Variants in ALG1 observed in about 807,000 individuals in gnomAD.
ALG1 encodes chitobiosyldiphosphodolichol beta-mannosyltransferase.
Under a neutral mutation model 55.1 loss-of-function variants are expected in ALG1, and 58 were observed. The observed-to-expected ratio is 1.05, with a 90% CI of 0.85 to 1.31. The LOEUF (loss-of-function observed/expected upper bound fraction) is 1.31, where lower values mean the gene tolerates loss of function less well. Ranked by LOEUF, ALG1 falls within the 50% of genes most tolerant of loss-of-function variation. The pLI, the probability that ALG1 is intolerant of heterozygous loss-of-function variation, is 0.00. For synonymous variants in ALG1, 309 were observed against 247.0 expected, an observed-to-expected ratio of 1.25 and a Z score of -2.35; for missense variants, 761 against 598.6, an observed-to-expected ratio of 1.27 and a Z score of -2.83.
Position 5,071,872 on chromosome 16 carries a change from T to A in ALG1, c.23T>A (p.Leu8Gln), listed in dbSNP as rs1956821445. 1.2e-6 allele frequency: 2 copies of A among 1,604,704 alleles called. No homozygotes were observed. Among genetic ancestry groups the A allele is most frequent in the Non-Finnish European group, 8.5e-7 (1 of 1,178,172 alleles). Residue 8 changes from leucine (L) to glutamine (Q), a missense_variant, in exon 1 of 13, where the codon CTG (leucine) becomes CAG (glutamine). By Grantham distance (113) the Leu-to-Gln change is moderately radical. Coordinates refer to ENST00000262374, the MANE Select transcript of ALG1 (RefSeq NM_019109.5). The stretch of plus-strand genomic sequence containing the variant: ...AAGATGGCGGCCTCATGCTTGGTCC[T>A]GCTGGCGCTGTGTCTGCTGCTGCCG... MAASCLVLLALCLLLPLL... is the reference protein window; with the variant it reads MAASCLVQLALCLLLPLL...
chr16:5,073,066 G>C lies in ALG1; in HGVS notation c.286+38G>C, dbSNP rs1272492110. 3.1e-6 allele frequency: 5 copies of C among 1,611,642 alleles called. No individual in the cohort carries two copies. The African/African-American group carries it at 6.7e-5, about 22-fold the overall frequency. The stretch of plus-strand genomic sequence containing the variant: ...CAACTCCAGAATCCTCTGAATCCAT[G>C]GGCTGGGGGCAGGGGGTGTTCGTTT... On this transcript the variant is annotated intron_variant, in intron 2 of 12. Transcript: ENST00000262374.
chr16:5,072,196 T>TGCC, intron 1 of ALG1, 139 bp downstream of exon 1: 1 of 1,536,320 alleles, frequency 6.5e-7, no homozygotes, highest in Non-Finnish European at 8.7e-7. Context: ...CGAGCGGTTC[T>TGCC]GCCCCAGCCT....
chr16:5,083,455 C>G (rs1236429194), intron 11 of ALG1, among the ~76,000 whole-genome samples: 2 of 152,162 alleles, frequency 1.3e-5, no homozygotes, highest in Non-Finnish European at 2.9e-5. Context: ...TACAAACCCC[C>G]CTTAAGGCTC....
Position 5,085,847 on chromosome 16 carries a change from T to C in ALG1, c.*966T>C, listed in dbSNP as rs1957144280. The C allele has an allele frequency of 8.3e-6, 7 of 841,932 alleles. No homozygotes were observed. The highest frequency in any genetic ancestry group is 3.5e-4 in the Middle Eastern group (1 of 2,872). The allele number at this position is 841,932 out of a possible 1,614,324, so 52.2% of individuals were successfully genotyped here. On this transcript the variant is annotated 3_prime_UTR_variant, in exon 13 of 13. Coordinates refer to ENST00000262374, the MANE Select transcript of ALG1 (RefSeq NM_019109.5). ...GGGTAGGGGGGTGTCCAAGTCAGTT[T>C]ACTTGGTTCACAGGTTCCCAGGCCC... is the stretch of plus-strand genomic sequence containing the variant.
At chr16:5,083,945 G>T (rs1337875603) in intron 12 of ALG1, among the ~76,000 whole-genome samples, 188 bp downstream of exon 12, 1 of 152,048 alleles carries the variant, frequency 6.6e-6, no homozygotes, top group African/African-American at 2.4e-5. Flanking sequence ...GTAGGCTCGG[G>T]AAAGTTAAGA....
rs904304111 is a variant in ALG1, at chr16:5,087,029, T to C, written c.*2148T>C. 1.3e-5 allele frequency: 2 copies of C among 152,192 alleles called. No homozygotes were observed. The highest frequency in any genetic ancestry group is 4.8e-5 in the African/African-American group (2 of 41,430). 9.4% of individuals were successfully genotyped at this position (152,192 alleles called of 1,614,324 possible). On this transcript the variant is annotated 3_prime_UTR_variant, in exon 13 of 13. Coordinates refer to ENST00000262374, the MANE Select transcript of ALG1 (RefSeq NM_019109.5). The stretch of plus-strand genomic sequence containing the variant: ...GTTACGAGTGGAAAATGCGTATTTA[T>C]AAGAATGAAGTAGTACAGACATGAA...
intron 9 of ALG1, 52 bp from the exon 10 acceptor site, chr16:5,080,894 C>A: frequency 1.3e-6 from 2 of 1,586,902 alleles, no homozygotes; most frequent in Non-Finnish European, 1.7e-6. Flanking sequence ...CCTGGGGCCA[C>A]GTGGCAGGGA....
chr16:5,085,645 T>C lies in ALG1; in HGVS notation c.*764T>C, dbSNP rs776562609. Reference sequence around the variant, plus strand: ...CGTGTGTGAGTCCTACAGGGTGAGATTCAGCATTGCCATCTCCAAGTGCTC... The same window carrying C: ...CGTGTGTGAGTCCTACAGGGTGAGACTCAGCATTGCCATCTCCAAGTGCTC... On this transcript the variant is annotated 3_prime_UTR_variant, in exon 13 of 13. Coordinates refer to ENST00000262374, the MANE Select transcript of ALG1 (RefSeq NM_019109.5). The C allele has an allele frequency of 6.2e-7, 1 of 1,609,580 alleles. No homozygotes were observed. The highest frequency in any genetic ancestry group is 1.1e-5 in the South Asian group (1 of 90,948).
At chr16:5,072,595 G>C (rs1026035569) in intron 1 of ALG1, among the ~76,000 whole-genome samples, 1 of 152,208 alleles carries the variant, frequency 6.6e-6, no homozygotes, top group Non-Finnish European at 1.5e-5. Context: ...TTTAATCCCT[G>C]TTTAGAATCT....
chr16:5,080,326 A>G (rs1025340732), intron 9 of ALG1, among the ~76,000 whole-genome samples: 28 of 152,072 alleles, frequency 1.8e-4, no homozygotes, highest in Admixed American at 2.6e-4. Flanking sequence ...TGGCCTCCCA[A>G]TATGCTGGAA....
intron 12 of ALG1, 121 bp downstream of exon 12, chr16:5,083,878 T>C: frequency 6.9e-7 from 1 of 1,456,434 alleles, no homozygotes; most frequent in Non-Finnish European, 9.3e-7. Flanking sequence ...GCGGAAAAGC[T>C]AGGGAGGGAG....
chr16:5,075,569 C>G, intron 4 of ALG1, 33 bp downstream of exon 4: 3 of 1,612,610 alleles, frequency 1.9e-6, no homozygotes, highest in Non-Finnish European at 1.7e-6. Context: ...AAATACCGTC[C>G]CCTAAACCAC....
chr16:5,077,656 G>A, intron 5 of ALG1, 122 bp downstream of exon 5: 1 of 1,151,696 alleles, frequency 8.7e-7, no homozygotes, highest in Non-Finnish European at 1.3e-6. Context: ...GAGGGCCTGG[G>A]AGGTGGTCTT....
In ALG1 at chr16:5,079,979, A is replaced by G. The variant is rs544743385; in HGVS notation, c.961+172A>G. 3.4e-4 allele frequency among the ~76,000 whole-genome samples: 51 copies of G among 151,980 alleles called. 1 individual carries two copies. In the East Asian group the frequency reaches 6.6e-3, roughly 20 times the overall value. On this transcript the variant is annotated intron_variant, in intron 9 of 12. Coordinates refer to ENST00000262374, the MANE Select transcript of ALG1 (RefSeq NM_019109.5). ...GGAAACTGAGGCTCAGAGGCAGGGC[A>G]GGGAGCCCAGATTTGAATCTGTAGA...
In ALG1 at chr16:5,079,792, G is replaced by A. The variant is rs150272167; in HGVS notation, c.946G>A (p.Val316Ile). The A allele has an allele frequency of 3.4e-4, 551 of 1,611,648 alleles. 4 individuals are homozygous for A. Among genetic ancestry groups the A allele is most frequent in the South Asian group, 1.5e-3 (138 of 90,972 alleles). ...TGATGGACACAACCTTCCTTCTCTC[G>A]TCTGTGTGATAACAGGTACTGCCTG... The part of the protein sequence containing the change: ...TLDGHNLPSL[V>I]CVITGKGPLR... Residue 316 changes from valine (V) to isoleucine (I), a missense_variant, in exon 9 of 13, where the codon GTC becomes ATC. Physicochemically the swap from Val to Ile is conservative, Grantham distance 29. Transcript: ENST00000262374.
At position 5,072,551 on chromosome 16, in the gene ALG1, A is replaced by G. The variant is rs77079727; in HGVS notation, c.209-400A>G. Among the ~76,000 whole-genome samples the G allele has an allele frequency of 2.6e-3, 390 of 152,258 alleles. 11 individuals carry two copies. The East Asian group carries it at 0.067, about 26-fold the overall frequency. ...TATCTTGAGAGGGTAGCTCAACCCC[A>G]TCTCAGGAAGAAGTGGGAACAGCAC... On this transcript the variant is annotated intron_variant, in intron 1 of 12. Transcript: ENST00000262374.
At chr16:5,078,237 T>G in intron 6 of ALG1, 1 of 708,968 alleles carries the variant, frequency 1.4e-6, no homozygotes, top group South Asian at 1.5e-5. Flanking sequence ...CAGAATCGCG[T>G]TTTGCAACAG....
intron 1 of ALG1, among the ~76,000 whole-genome samples, chr16:5,072,547 C>T (rs976430693): frequency 6.6e-6 from 1 of 152,324 alleles, no homozygotes; most frequent in Non-Finnish European, 1.5e-5. Context: ...GGTAGCTCAA[C>T]CCCATCTCAG....
At chr16:5,078,351 C>A in intron 6 of ALG1, 7 of 596,810 alleles carry the variant, frequency 1.2e-5, no homozygotes, top group South Asian at 1.1e-4. Flanking sequence ...GCTTCCCAGG[C>A]CTGTGGCAGG....
Sources: gnomAD v4.1 joint callset for allele counts (sites outside exome capture counted in the v4.1 genomes callset) on GRCh38, gnomAD v4.1.1 for gene constraint, MANE v1.5 for transcripts, NCBI Gene and HGNC (gene_info 2026-07-23, HGNC 2026-07-21) for gene names.